DCC: variants seen among roughly 807,000 people sequenced by gnomAD.
The protein encoded by DCC is DCC netrin 1 receptor.
DCC carries 58 observed loss-of-function variants against 172.5 expected under a neutral mutation model. That is an observed-to-expected ratio of 0.34 (90% CI 0.27 to 0.42). The LOEUF is 0.42. Ranked by LOEUF, DCC falls within the 10% of genes least tolerant of loss-of-function variation. DCC has a pLI of 1.00. For synonymous variants in DCC, 709 were observed against 644.5 expected (o/e 1.10, Z -1.52); for missense variants, 1,740 against 1,791.0 (o/e 0.97, Z 0.51).
intron 13 of DCC, among the ~76,000 whole-genome samples, chr18:53,313,859 A>C (rs903835339): frequency 3.9e-5 from 6 of 152,194 alleles, no homozygotes; most frequent in Non-Finnish European, 7.3e-5. Context: ...CTAAAACACC[A>C]TAATACGTTA....
chr18:52,616,932 A>G (rs80261243), intron 1 of DCC, among the ~76,000 whole-genome samples: 2,895 of 152,256 alleles, frequency 0.019, 106 homozygotes, highest in African/African-American at 0.066. Flanking sequence ...AGATGCATAA[A>G]GGTAATTTGC....
chr18:52,598,296 A>G (rs1304124959), intron 1 of DCC, among the ~76,000 whole-genome samples: 1 of 152,224 alleles, frequency 6.6e-6, no homozygotes, highest in African/African-American at 2.4e-5. Flanking sequence ...AGAGCTAAGG[A>G]AGCAAAGAGA....
In DCC at chr18:53,176,519, G is replaced by C. The variant is rs1188045068; in HGVS notation, c.1419-2443G>C. 2.0e-5 allele frequency among the ~76,000 whole-genome samples: 3 copies of C among 150,892 alleles called. No individual in the cohort carries two copies. In the East Asian group the frequency reaches 5.8e-4, roughly 29 times the overall value. ...CAACCCCATCAAAAAGTGGGCAAAGGACATGAACAGACACTTCTCAAAAGA... is the reference window on the plus strand; with the variant it reads ...CAACCCCATCAAAAAGTGGGCAAAGCACATGAACAGACACTTCTCAAAAGA... On this transcript the variant is annotated intron_variant, in intron 8 of 28. Coordinates refer to ENST00000442544, the MANE Select transcript of DCC (RefSeq NM_005215.4).
At chr18:53,296,565 G>T (rs1334677244) in intron 12 of DCC, among the ~76,000 whole-genome samples, 1 of 152,166 alleles carries the variant, frequency 6.6e-6, no homozygotes, top group East Asian at 1.9e-4. Flanking sequence ...GAGAGTAGAG[G>T]CTGGGGCGCC....
chr18:52,459,816 C>T (rs1028862355), intron 1 of DCC, among the ~76,000 whole-genome samples: 1 of 151,742 alleles, frequency 6.6e-6, no homozygotes, highest in African/African-American at 2.4e-5. Flanking sequence ...AGGATGATGG[C>T]CTCTAGCTCC....
At chr18:52,631,320 GA>G (rs915225432) in intron 1 of DCC, among the ~76,000 whole-genome samples, 14 of 152,208 alleles carry the variant, frequency 9.2e-5, no homozygotes, top group African/African-American at 2.2e-4. Context: ...ATAAAAAACA[GA>G]AAAAGCTTAG....
chr18:53,394,812 T>G (rs1908810963), intron 17 of DCC, among the ~76,000 whole-genome samples: 1 of 152,130 alleles, frequency 6.6e-6, no homozygotes, highest in Admixed American at 6.5e-5. Context: ...TGCTATGAAG[T>G]CAGTGCTATG....
intron 7 of DCC, among the ~76,000 whole-genome samples, chr18:53,135,975 A>G (rs2043734682): frequency 6.6e-6 from 1 of 152,292 alleles, no homozygotes; most frequent in Admixed American, 6.5e-5. Context: ...TTGATTTTCT[A>G]GTATATGATG....
chr18:52,536,349 G>GTAGGCTGCTGCTCCTAAGT lies in DCC; in HGVS notation c.91+195477_91+195495dup, dbSNP rs572248437. Reference sequence around the variant, plus strand: ...GGGAAGCTGCGGACAGATGGACTAAGTAGGCTGCTGCTCCTAAGTTAGGCA... The same window carrying GTAGGCTGCTGCTCCTAAGT: ...GGGAAGCTGCGGACAGATGGACTAAGTAGGCTGCTGCTCCTAAGTTAGGCTGCTGCTCCTAAGTTAGGCA... On this transcript the variant is annotated intron_variant, in intron 1 of 28. Transcript: ENST00000442544. Among the ~76,000 whole-genome samples, 508 of 152,268 alleles carry GTAGGCTGCTGCTCCTAAGT rather than the reference G, an allele frequency of 3.3e-3. 2 individuals are homozygous for GTAGGCTGCTGCTCCTAAGT. The highest frequency in any genetic ancestry group is 4.9e-3 in the Non-Finnish European group (331 of 68,018).
intron 2 of DCC, among the ~76,000 whole-genome samples, chr18:52,879,930 G>A (rs906512238): frequency 6.6e-6 from 1 of 151,990 alleles, no homozygotes; most frequent in African/African-American, 2.4e-5. Context: ...TATTTATGGG[G>A]TGCATGAGGT....
At chr18:53,502,511 TAGACTTAA>T (rs2046114610) in intron 27 of DCC, among the ~76,000 whole-genome samples, 1 of 152,206 alleles carries the variant, frequency 6.6e-6, no homozygotes, top group African/African-American at 2.4e-5. Flanking sequence ...ACATGCTTCT[TAGACTTAA>T]AGATGAAATA....
intron 5 of DCC, among the ~76,000 whole-genome samples, chr18:52,994,882 AT>A (rs943433203): frequency 5.3e-5 from 8 of 152,032 alleles, no homozygotes; most frequent in Non-Finnish European, 1.2e-4. Flanking sequence ...CTTGAGATTG[AT>A]TTTTTTCTCT....
Position 52,878,958 on chromosome 18 carries a change from A to G in DCC, c.413-27086A>G, listed in dbSNP as rs16955780. Among the ~76,000 whole-genome samples, 274 of 152,300 alleles carry G rather than the reference A, an allele frequency of 1.8e-3. 1 individual carries two copies. The highest frequency in any genetic ancestry group is 6.3e-3 in the African/African-American group (262 of 41,562). On this transcript the variant is annotated intron_variant, in intron 2 of 28. Coordinates refer to ENST00000442544, the MANE Select transcript of DCC (RefSeq NM_005215.4). ...CACAAAGTTATCACTTTATAATCCT[A>G]TCTTGAGGTTATTTCACACAGAAGG...
chr18:52,914,545 A>G (rs1053979779), intron 3 of DCC, among the ~76,000 whole-genome samples: 3 of 152,262 alleles, frequency 2.0e-5, no homozygotes, highest in African/African-American at 7.2e-5. Flanking sequence ...CCATGTCCAA[A>G]AGCTCCTTGG....
chr18:53,370,643 T>A (rs1189893112), intron 15 of DCC, among the ~76,000 whole-genome samples: 2 of 151,936 alleles, frequency 1.3e-5, no homozygotes, highest in Non-Finnish European at 2.9e-5. Flanking sequence ...TATTGTGTTA[T>A]TTAATTTCCA....
At chr18:52,793,373 CTATT>C (rs1182829028) in intron 2 of DCC, among the ~76,000 whole-genome samples, 2 of 152,156 alleles carry the variant, frequency 1.3e-5, no homozygotes, top group African/African-American at 2.4e-5. Flanking sequence ...ACTTTACAGG[CTATT>C]TATTAGAAAA....
At chr18:52,925,901 G>A (rs982836706) in intron 5 of DCC, among the ~76,000 whole-genome samples, 6 of 139,884 alleles carry the variant, frequency 4.3e-5, no homozygotes. Context: ...ATTTAAGGAG[G>A]ATTGAGGGGT....
intron 21 of DCC, among the ~76,000 whole-genome samples, chr18:53,431,014 A>G (rs774694800): frequency 5.3e-5 from 8 of 152,134 alleles, no homozygotes; most frequent in Non-Finnish European, 1.2e-4. Flanking sequence ...CGACTTTATG[A>G]CATTTTAAAA....
At chr18:53,337,318 G>A (rs2057602766) in intron 14 of DCC, among the ~76,000 whole-genome samples, 1 of 152,154 alleles carries the variant, frequency 6.6e-6, no homozygotes, top group South Asian at 2.1e-4. Flanking sequence ...GTACGATTAG[G>A]CAGATTATCT....
Sources: gnomAD v4.1 joint callset for allele counts (sites outside exome capture counted in the v4.1 genomes callset) on GRCh38, gnomAD v4.1.1 for gene constraint, MANE v1.5 for transcripts, NCBI Gene and HGNC (gene_info 2026-07-23, HGNC 2026-07-21) for gene names.